The following ITGAM variants were observed in gnomAD, a reference collection of about 807,000 sequenced individuals.
ITGAM encodes integrin subunit alpha M, also known as integrin alpha-M.
ITGAM carries 79 observed loss-of-function variants against 137.5 expected under a neutral mutation model. That is an observed-to-expected ratio of 0.57 (90% CI 0.48 to 0.69). The LOEUF (loss-of-function observed/expected upper bound fraction) is 0.69. Ranked by LOEUF, ITGAM falls within the 30% of genes least tolerant of loss-of-function variation. The pLI, the probability that ITGAM is intolerant of heterozygous loss-of-function variation, is 0.00. For synonymous variants in ITGAM, 583 were observed against 592.3 expected (o/e 0.98, Z 0.23); for missense variants, 1,343 against 1,483.5 (o/e 0.91, Z 1.56).
chr16:31,331,530 C>CCT, intron 29 of ITGAM, 106 bp from the exon 30 acceptor site: 2 of 661,474 alleles, frequency 3.0e-6, no homozygotes, highest in South Asian at 1.8e-5. Context: ...CCCCGCCCTC[C>CCT]TGGGTCCCTT....
rs1289855053 is a variant in ITGAM at position 31,331,902 on chromosome 16, C to T, written c.*195C>T. 10 of 567,454 alleles carry T rather than the reference C, an allele frequency of 1.8e-5. No individual in the cohort carries two copies. Among genetic ancestry groups the T allele is most frequent in the South Asian group, 1.1e-4 (5 of 46,330 alleles). 35.2% of individuals were successfully genotyped at this position (567,454 alleles called of 1,614,324 possible). A position where few individuals can be genotyped will look rare whatever the true frequency, so the allele number is the denominator to read the frequency against. On this transcript the variant is annotated 3_prime_UTR_variant, in exon 30 of 30. Transcript: ENST00000544665. The stretch of plus-strand genomic sequence containing the variant: ...GTGTGCAAGTGTGTGCACATGTGTG[C>T]GTGTGCGTGCATGTGCACTTGCACG...
intron 12 of ITGAM, among the ~76,000 whole-genome samples, chr16:31,283,127 C>T (rs2079988715): frequency 1.3e-5 from 2 of 152,262 alleles, no homozygotes; most frequent in South Asian, 4.1e-4. Context: ...GGTAACCTGA[C>T]CTTTCTCTCT....
At chr16:31,294,211 T>C (rs1398168252) in intron 12 of ITGAM, among the ~76,000 whole-genome samples, 3 of 152,152 alleles carry the variant, frequency 2.0e-5, no homozygotes, top group Admixed American at 2.0e-4. Context: ...CTTCCTTTCT[T>C]CCTATTTGTA....
chr16:31,284,184 C>T (rs1191144835), intron 12 of ITGAM, among the ~76,000 whole-genome samples: 2 of 152,220 alleles, frequency 1.3e-5, no homozygotes, highest in Admixed American at 6.5e-5. Flanking sequence ...CAGGGACCCA[C>T]TTGAGGAGGC....
chr16:31,284,381 C>G (rs1398443155), intron 12 of ITGAM, among the ~76,000 whole-genome samples: 1 of 152,172 alleles, frequency 6.6e-6, no homozygotes, highest in Non-Finnish European at 1.5e-5. Flanking sequence ...CCACCCAGTT[C>G]GAACTTCCTG....
chr16:31,302,743 G>C (rs1244445417), intron 14 of ITGAM, among the ~76,000 whole-genome samples: 3 of 151,780 alleles, frequency 2.0e-5, no homozygotes, highest in Admixed American at 2.0e-4. Context: ...CACCATGTTG[G>C]CCAGGCTGGT....
chr16:31,308,378 G>T (rs2080287667), intron 14 of ITGAM, among the ~76,000 whole-genome samples: 2 of 152,148 alleles, frequency 1.3e-5, no homozygotes. Context: ...TTAGTCTTGG[G>T]AGAGTGTATG....
In ITGAM at chr16:31,277,998, G is replaced by C; in HGVS notation, c.1245G>C (p.Arg415=). 1 of 1,603,254 alleles carries C rather than the reference G, an allele frequency of 6.2e-7. No homozygotes were observed. The highest frequency in any genetic ancestry group is 8.5e-7 in the Non-Finnish European group (1 of 1,175,020). ...GYAAAIILRN[R]VQSLVLGAPR... is the part of the protein sequence containing the mutation. The stretch of plus-strand genomic sequence containing the variant: ...CTGCCGCCATCATCTTACGGAACCG[G>C]GTGCAAAGCCTGGTTCTGGGGGCAC... The change falls in exon 12 of 30, where the codon CGG becomes CGC. Residue 415 remains arginine (R), a synonymous_variant. Coordinates refer to ENST00000544665, the MANE Select transcript of ITGAM (RefSeq NM_000632.4).
chr16:31,279,397 G>C (rs1304525685), intron 12 of ITGAM, among the ~76,000 whole-genome samples: 6 of 152,048 alleles, frequency 3.9e-5, no homozygotes, highest in South Asian at 4.1e-4. Flanking sequence ...TCTCCAGCAC[G>C]TGTTGTTTCC....
At chr16:31,276,785 G>A (rs1264020716) in intron 10 of ITGAM, 41 bp downstream of exon 10, 3 of 1,569,510 alleles carry the variant, frequency 1.9e-6, no homozygotes, top group Admixed American at 1.8e-5. Context: ...GGGGCAGGGG[G>A]TAGCAAGAAG....
At chr16:31,327,622 A>AATAATAATAAT (rs1567281793) in intron 22 of ITGAM, among the ~76,000 whole-genome samples, 3 of 148,344 alleles carry the variant, frequency 2.0e-5, no homozygotes, top group Admixed American at 6.6e-5. Context: ...ATAATAATAA[A>AATAATAATAAT]AAATAAAAGG....
intron 3 of ITGAM, 51 bp from the exon 4 acceptor site, chr16:31,265,760 G>A: frequency 5.8e-6 from 9 of 1,538,662 alleles, no homozygotes; most frequent in Non-Finnish European, 7.2e-6. Context: ...CTCTTCCACA[G>A]CCTTCTCTGT....
chr16:31,309,737 C>A (rs1278485914), intron 14 of ITGAM, among the ~76,000 whole-genome samples: 1 of 152,146 alleles, frequency 6.6e-6, no homozygotes, highest in African/African-American at 2.4e-5. Flanking sequence ...GATGCAGTTT[C>A]TTCTTAGCCT....
At position 31,331,053 on chromosome 16, in the gene ITGAM, T is replaced by A. The variant is rs147955368; in HGVS notation, c.3277-112T>A. The A allele has an allele frequency of 1.9e-4, 120 of 626,440 alleles. 1 individual carries two copies. In the East Asian group the frequency reaches 3.3e-3, roughly 17 times the overall value. The allele number at this position is 626,440 out of a possible 1,614,324, so 38.8% of individuals were successfully genotyped here. Reference sequence around the variant, plus strand: ...GGAGGAGGACTGAGGGCTGGGGTTCTGGGGGACATGAGGAGGGGTTCCCCA... The same window carrying A: ...GGAGGAGGACTGAGGGCTGGGGTTCAGGGGGACATGAGGAGGGGTTCCCCA... On this transcript the variant is annotated intron_variant, in intron 28 of 29. Transcript: ENST00000544665.
intron 16 of ITGAM, among the ~76,000 whole-genome samples, chr16:31,323,639 T>C (rs1485202325): frequency 6.6e-6 from 1 of 152,242 alleles, no homozygotes; most frequent in Non-Finnish European, 1.5e-5. Context: ...TGAGCACTTA[T>C]TGTATAAAAG....
At chr16:31,328,257 G>T in intron 23 of ITGAM, 27 bp downstream of exon 23, 7 of 1,568,680 alleles carry the variant, frequency 4.5e-6, no homozygotes, top group Non-Finnish European at 6.1e-6. Context: ...CTTTAGCTGA[G>T]CCTCCACTTC....
intron 7 of ITGAM, among the ~76,000 whole-genome samples, chr16:31,272,463 ATTTTTTTTTTTTTTTTTTT>A (rs1157912736): frequency 9.2e-4 from 10 of 10,886 alleles, no homozygotes; most frequent in East Asian, 2.9e-3. Context: ...ATATATATAT[ATTTTTTTTTTTTTTTTTTT>A]TTTTTTTTTT....
intron 14 of ITGAM, among the ~76,000 whole-genome samples, chr16:31,315,727 G>A (rs138796038): frequency 0.057 from 8,654 of 152,012 alleles, 848 homozygotes; most frequent in African/African-American, 0.2. Flanking sequence ...CTAAAGTGCT[G>A]GGATTACAGG....
intron 12 of ITGAM, among the ~76,000 whole-genome samples, chr16:31,285,324 A>G (rs2080017198): frequency 1.3e-5 from 2 of 152,030 alleles, no homozygotes. Flanking sequence ...CTTTCTTTGG[A>G]GGCAGAAATT....
Sources: gnomAD v4.1 joint callset for allele counts (sites outside exome capture counted in the v4.1 genomes callset) on GRCh38, gnomAD v4.1.1 for gene constraint, MANE v1.5 for transcripts, NCBI Gene and HGNC (gene_info 2026-07-23, HGNC 2026-07-21) for gene names.